The following CENPW variants were observed in gnomAD, a reference collection of about 807,000 sequenced individuals.
CENPW encodes centromere protein W, also known as cancer-up-regulated gene 2 protein.
Under a neutral mutation model 11.1 loss-of-function variants are expected in CENPW, and 3 were observed. That is an observed-to-expected ratio of 0.27 (90% CI 0.12 to 0.70). The LOEUF (loss-of-function observed/expected upper bound fraction) is 0.70. CENPW is among the 30% of genes least tolerant of loss of function. The pLI is 0.77. For synonymous variants in CENPW, 38 were observed against 42.0 expected (o/e 0.91, Z 0.37); for missense variants, 100 against 105.6 (o/e 0.95, Z 0.23).
At chr6:126,426,130 A>T in the CENPW span, among the ~76,000 whole-genome samples, 1 of 152,140 alleles carries the variant, frequency 6.6e-6, no homozygotes, top group African/African-American at 2.4e-5. Flanking sequence ...GTGGCTGAGG[A>T]TGTAAAAATC....
intron 1 of CENPW, 33 bp from the exon 2 acceptor site, chr6:126,346,172 C>G: frequency 7.6e-7 from 1 of 1,319,622 alleles, no homozygotes; most frequent in Non-Finnish European, 1.1e-6. Flanking sequence ...AGTATTTGAG[C>G]TTAAAAATCC....
the CENPW span, among the ~76,000 whole-genome samples, chr6:126,406,198 T>A: frequency 6.6e-6 from 1 of 152,144 alleles, no homozygotes; most frequent in Non-Finnish European, 1.5e-5. Flanking sequence ...TTTTTGTGTC[T>A]ATTGAGAGGA....
the CENPW span, among the ~76,000 whole-genome samples, chr6:126,391,243 A>G: frequency 6.6e-6 from 1 of 151,970 alleles, no homozygotes; most frequent in South Asian, 2.1e-4. Context: ...GCACCTTTTC[A>G]TATACCTGTT....
the CENPW span, among the ~76,000 whole-genome samples, chr6:126,453,318 C>T: frequency 6.6e-6 from 1 of 151,062 alleles, no homozygotes; most frequent in Non-Finnish European, 1.5e-5. Context: ...AGAGAAGGGG[C>T]AGGTAACCTA....
the CENPW span, among the ~76,000 whole-genome samples, chr6:126,453,206 G>T: frequency 6.6e-6 from 1 of 151,144 alleles, no homozygotes; most frequent in South Asian, 2.1e-4. Context: ...AGGAAATGCA[G>T]ACAACCCCTG....
the CENPW span, among the ~76,000 whole-genome samples, chr6:126,473,951 TATATACAGAATATATATAGA>T: frequency 8.8e-5 from 13 of 148,200 alleles, no homozygotes; most frequent in South Asian, 2.1e-4. Context: ...ATGTATAGAA[TATATACAGAATATATATAGA>T]ATATACAGAA....
chr6:126,378,868 A>G, the CENPW span, among the ~76,000 whole-genome samples: 1 of 152,234 alleles, frequency 6.6e-6, no homozygotes, highest in East Asian at 1.9e-4. Context: ...AGGTCTAAAT[A>G]AAAAAGCAAG....
the CENPW span, among the ~76,000 whole-genome samples, chr6:126,403,766 T>C: frequency 1.6e-4 from 24 of 152,126 alleles, no homozygotes; most frequent in Admixed American, 5.2e-4. Context: ...ACATAGAAGC[T>C]AAAGCAAATT....
At chr6:126,345,284 T>C (rs1339746269) in intron 1 of CENPW, among the ~76,000 whole-genome samples, 1 of 152,010 alleles carries the variant, frequency 6.6e-6, no homozygotes, top group East Asian at 1.9e-4. Flanking sequence ...AATGTTGATA[T>C]ATATATTATC....
At chr6:126,380,844 T>C in the CENPW span, among the ~76,000 whole-genome samples, 1 of 152,194 alleles carries the variant, frequency 6.6e-6, no homozygotes, top group Non-Finnish European at 1.5e-5. Context: ...AACAATGACA[T>C]AGGAACCTTT....
At chr6:126,446,395 T>A in the CENPW span, among the ~76,000 whole-genome samples, 3 of 147,986 alleles carry the variant, frequency 2.0e-5, no homozygotes, top group South Asian at 6.7e-4. Context: ...CTGAAAAGTT[T>A]GCTTAAACTT....
At chr6:126,468,362 A>G in the CENPW span, among the ~76,000 whole-genome samples, 5 of 140,546 alleles carry the variant, frequency 3.6e-5, no homozygotes, top group Non-Finnish European at 7.6e-5. Flanking sequence ...AGAGGTTGCA[A>G]TGAGCCGAAA....
chr6:126,355,092 T>G, the CENPW span, among the ~76,000 whole-genome samples: 1 of 152,138 alleles, frequency 6.6e-6, no homozygotes, highest in Non-Finnish European at 1.5e-5. Context: ...ACTTTAAAAC[T>G]GTTATTGCCA....
At chr6:126,349,484 A>G (rs528338928), downstream of CENPW, among the ~76,000 whole-genome samples, 11 of 152,302 alleles carry the variant, frequency 7.2e-5, no homozygotes, top group African/African-American at 2.4e-4. Context: ...CCTGGCAACC[A>G]TGAACTATTC....
At chr6:126,371,330 C>T in the CENPW span, among the ~76,000 whole-genome samples, 20 of 152,034 alleles carry the variant, frequency 1.3e-4, no homozygotes, top group African/African-American at 3.9e-4. Flanking sequence ...TTTTTTTCTG[C>T]GTCTATTGAT....
downstream of CENPW, among the ~76,000 whole-genome samples, chr6:126,350,318 C>T (rs974319303): frequency 6.6e-5 from 10 of 152,016 alleles, no homozygotes; most frequent in African/African-American, 1.7e-4. Flanking sequence ...TTTTGATGGG[C>T]GGAAGGTCTG....
At chr6:126,446,028 A>T in the CENPW span, among the ~76,000 whole-genome samples, 1 of 151,196 alleles carries the variant, frequency 6.6e-6, no homozygotes, top group African/African-American at 2.4e-5. Flanking sequence ...AAAATTCCAA[A>T]ACTCAATTGA....
At chr6:126,374,897 A>G in the CENPW span, among the ~76,000 whole-genome samples, 3 of 152,240 alleles carry the variant, frequency 2.0e-5, no homozygotes, top group African/African-American at 4.8e-5. Context: ...ACCTATGCTC[A>G]TCTTACATAC....
chr6:126,341,017 C>T (rs1780297137), intron 1 of CENPW, among the ~76,000 whole-genome samples: 1 of 152,156 alleles, frequency 6.6e-6, no homozygotes. Flanking sequence ...ATTCATTTCG[C>T]TAGACAAGTA....
Sources: allele counts gnomAD v4.1 joint callset (sites outside exome capture counted in the v4.1 genomes callset), GRCh38; gene constraint gnomAD v4.1.1; transcripts MANE v1.5; gene names NCBI Gene and HGNC (gene_info 2026-07-23, HGNC 2026-07-21).